The following TET2 variants were observed in gnomAD, a reference collection of about 807,000 sequenced individuals.
TET2 encodes methylcytosine dioxygenase TET2.
In TET2, 299 loss-of-function variants were observed where a neutral mutation model predicts 142.9. The ratio of observed to expected loss-of-function variants is 2.09; its 90% confidence interval spans 1.90 to 2.30. The LOEUF is 2.30. TET2 is among the 30% of genes most tolerant of loss of function. The pLI is 0.00. For missense variants in TET2, 2,418 were observed against 2,378.0 expected (o/e 1.02, Z -0.35); for synonymous variants, 819 against 849.0 (o/e 0.96, Z 0.61).
At chr4:105,218,215 AATC>A (rs1483517861) in intron 2 of TET2, among the ~76,000 whole-genome samples, 1 of 152,080 alleles carries the variant, frequency 6.6e-6, no homozygotes, top group African/African-American at 2.4e-5. Context: ...AAAGCTTTTT[AATC>A]ATCCTGCCCC....
chr4:105,247,714 CTTTTTTTTTTTTT>C (rs1206510081), intron 6 of TET2, among the ~76,000 whole-genome samples: 1 of 65,312 alleles, frequency 1.5e-5, no homozygotes, highest in Non-Finnish European at 2.7e-5. Flanking sequence ...TTTTTCTTTT[CTTTTTTTTTTTTT>C]TTTTTTTTTT....
intron 8 of TET2, among the ~76,000 whole-genome samples, chr4:105,268,706 C>G (rs549358017): frequency 1.3e-5 from 2 of 152,200 alleles, no homozygotes; most frequent in Admixed American, 6.5e-5. Flanking sequence ...CGCAGTGGCT[C>G]ACGCCTGTAA....
At chr4:105,246,164 C>T (rs1042317053) in intron 6 of TET2, among the ~76,000 whole-genome samples, 1 of 152,110 alleles carries the variant, frequency 6.6e-6, no homozygotes, top group African/African-American at 2.4e-5. Context: ...TTCAGGTAAC[C>T]CACCCACCCT....
chr4:105,234,180 CAAGA>C lies in TET2; in HGVS notation c.242_245del (p.Glu81ValfsTer13). Reference sequence around the variant, plus strand: ...TAGTCGTGTGAGTCCTGACTTTACACAAGAAAGTAGAGGGTATTCCAAGTGTTTG... The same window carrying C: ...TAGTCGTGTGAGTCCTGACTTTACACAAGTAGAGGGTATTCCAAGTGTTTG... On this transcript the variant is annotated frameshift_variant, in exon 3 of 11. Coordinates refer to ENST00000380013, the MANE Select transcript of TET2 (RefSeq NM_001127208.3). LOFTEE classifies it high-confidence loss of function. 6.2e-7 allele frequency: 1 copy of C among 1,614,138 alleles called. No individual in the cohort carries two copies. Among genetic ancestry groups the C allele is most frequent in the Non-Finnish European group, 8.5e-7 (1 of 1,180,014 alleles).
chr4:105,219,637 G>A (rs1435503455), intron 2 of TET2, among the ~76,000 whole-genome samples: 1 of 151,958 alleles, frequency 6.6e-6, no homozygotes, highest in Non-Finnish European at 1.5e-5. Flanking sequence ...ATAGCTTTGT[G>A]GGGTTTTGTT....
At position 105,276,336 on chromosome 4, in the gene TET2, GA is replaced by G; in HGVS notation, c.5829del (p.Lys1943AsnfsTer7). The G allele has an allele frequency of 6.4e-7, 1 of 1,551,732 alleles. No homozygotes were observed. Among genetic ancestry groups the G allele is most frequent in the Non-Finnish European group, 8.7e-7 (1 of 1,146,996 alleles). ...AGTATGGCCCAGACTATGTGCCTCA[GA>G]AATCCCATGGCAAAAAAGTGAAACG... Reference protein sequence around the residue: ...EKYGPDYVPQKSHGKKVKREP... With the variant: ...EKYGPDYVPQXSHGKKVKREP... On this transcript the variant is annotated frameshift_variant, in exon 11 of 11. Coordinates refer to ENST00000380013, the MANE Select transcript of TET2 (RefSeq NM_001127208.3). LOFTEE classifies it high-confidence loss of function.
At position 105,272,917 on chromosome 4, in the gene TET2, A is replaced by C; in HGVS notation, c.4536A>C (p.Ala1512=). The C allele has an allele frequency of 6.6e-7, 1 of 1,519,182 alleles. No individual in the cohort carries two copies. Among genetic ancestry groups the C allele is most frequent in the Non-Finnish European group, 8.8e-7 (1 of 1,133,668 alleles). 94.1% of individuals were successfully genotyped at this position (1,519,182 alleles called of 1,614,324 possible). A position where few individuals can be genotyped will look rare whatever the true frequency, so the allele number is the denominator to read the frequency against. ...ACGCAAGCCAGGCTAAACAGTTGGC[A>C]GGTAAATTTAATGTAAAGCATTTGT... ...TENASQAKQL[A]ELLRLSGPVM... The change falls in exon 10 of 11, where the codon GCA becomes GCC. Residue 1512 remains alanine, a splice_region_variant and synonymous_variant. Transcript: ENST00000380013.
chr4:105,218,743 TCTC>T (rs1727640237), intron 2 of TET2, among the ~76,000 whole-genome samples: 1 of 152,076 alleles, frequency 6.6e-6, no homozygotes, highest in South Asian at 2.1e-4. Context: ...TGTCTTGTCT[TCTC>T]AGTTAAATAA....
chr4:105,236,310 C>T lies in TET2; in HGVS notation c.2368C>T (p.Gln790Ter), dbSNP rs746098745. The change falls in exon 3 of 11, where the codon CAG becomes TAG. Residue 790 changes from glutamine to a stop codon, truncating the protein, a stop_gained. Coordinates refer to ENST00000380013, the MANE Select transcript of TET2 (RefSeq NM_001127208.3). LOFTEE classifies it high-confidence loss of function. ...KVEECFHGEN[Q>*]YSKSSEFETH... ...GGAAGAATGTTTTCATGGTGAAAAT[C>T]AGTATTCAAAATCAAGCGAGTTCGA... 6.2e-7 allele frequency: 1 copy of T among 1,613,992 alleles called. No individual in the cohort carries two copies. Among genetic ancestry groups the T allele is most frequent in the Non-Finnish European group, 8.5e-7 (1 of 1,179,980 alleles).
intron 2 of TET2, among the ~76,000 whole-genome samples, chr4:105,201,452 T>TACCAA (rs1553948475): frequency 6.6e-6 from 1 of 152,214 alleles, no homozygotes; most frequent in East Asian, 1.9e-4. Flanking sequence ...CTATGCTTGT[T>TACCAA]TTTGTTCCCA....
At chr4:105,274,260 C>T (rs749812447) in intron 10 of TET2, among the ~76,000 whole-genome samples, 1 of 152,180 alleles carries the variant, frequency 6.6e-6, no homozygotes, top group Non-Finnish European at 1.5e-5. Flanking sequence ...GTTCTTAACT[C>T]ATATGACTTT....
chr4:105,185,583 A>C (rs1725382334), intron 1 of TET2, among the ~76,000 whole-genome samples: 1 of 151,994 alleles, frequency 6.6e-6, no homozygotes, highest in African/African-American at 2.4e-5. Context: ...GATCGAGACC[A>C]TCCTGGCTAA....
At chr4:105,216,705 A>G (rs534613115) in intron 2 of TET2, among the ~76,000 whole-genome samples, 1 of 152,054 alleles carries the variant, frequency 6.6e-6, no homozygotes, top group Non-Finnish European at 1.5e-5. Context: ...TTTTTGTTCT[A>G]TGAAAAATGC....
intron 1 of TET2, among the ~76,000 whole-genome samples, chr4:105,187,126 A>G (rs1447634610): frequency 6.6e-6 from 1 of 152,160 alleles, no homozygotes; most frequent in Non-Finnish European, 1.5e-5. Flanking sequence ...TCCCCCTAGA[A>G]CTGCTCACAC....
intron 9 of TET2, 95 bp from the exon 10 acceptor site, chr4:105,272,469 C>A: frequency 1.2e-6 from 1 of 844,548 alleles, no homozygotes; most frequent in African/African-American, 1.7e-5. Context: ...GCCACCAACA[C>A]AAATCTGAAT....
intron 1 of TET2, among the ~76,000 whole-genome samples, chr4:105,186,660 C>A (rs1490470070): frequency 6.6e-6 from 1 of 151,706 alleles, no homozygotes; most frequent in Non-Finnish European, 1.5e-5. Flanking sequence ...TTAGTAGAGA[C>A]GGGGTTTCAT....
At chr4:105,249,440 T>A (rs371227748) in intron 6 of TET2, among the ~76,000 whole-genome samples, 1 of 152,240 alleles carries the variant, frequency 6.6e-6, no homozygotes, top group East Asian at 1.9e-4. Flanking sequence ...GAACATGTTT[T>A]CAGTTACCTT....
chr4:105,263,436 CACTA>C (rs1405188936), intron 8 of TET2, among the ~76,000 whole-genome samples: 11 of 152,160 alleles, frequency 7.2e-5, no homozygotes, highest in Non-Finnish European at 1.5e-4. Context: ...TAAGTATGTA[CACTA>C]ACTAAGGTGG....
chr4:105,194,726 A>G (rs1725981054), intron 2 of TET2, among the ~76,000 whole-genome samples: 1 of 152,118 alleles, frequency 6.6e-6, no homozygotes, highest in Admixed American at 6.6e-5. Context: ...GTACTCTTCA[A>G]TTTTTCTACT....
Sources: allele counts gnomAD v4.1 joint callset (sites outside exome capture counted in the v4.1 genomes callset), GRCh38; gene constraint gnomAD v4.1.1; transcripts MANE v1.5; gene names NCBI Gene and HGNC (gene_info 2026-07-23, HGNC 2026-07-21).